The following MAP3K13 variants were observed in gnomAD, a reference collection of about 807,000 sequenced individuals.
The protein encoded by MAP3K13 is leucine zipper-bearing kinase.
In MAP3K13, 52 loss-of-function variants were observed where a neutral mutation model predicts 104.0. The observed-to-expected ratio is 0.50, with a 90% CI of 0.40 to 0.63. The LOEUF (loss-of-function observed/expected upper bound fraction) is 0.63, where lower values mean the gene tolerates loss of function less well. MAP3K13 is among the 20% of genes least tolerant of loss of function. The pLI, the probability that MAP3K13 is intolerant of heterozygous loss-of-function variation, is 0.00. For synonymous variants in MAP3K13, 394 were observed against 442.2 expected, an observed-to-expected ratio of 0.89 and a Z score of 1.37; for missense variants, 914 against 1,218.5, an observed-to-expected ratio of 0.75 and a Z score of 3.72.
chr3:185,456,596 CTTTT>C (rs35547697), intron 7 of MAP3K13, among the ~76,000 whole-genome samples: 13 of 108,002 alleles, frequency 1.2e-4, no homozygotes, highest in African/African-American at 3.9e-4. Flanking sequence ...TTTGCTTCTC[CTTTT>C]TTTTTTTTTT....
chr3:185,476,159 C>A (rs2148926313), intron 11 of MAP3K13, among the ~76,000 whole-genome samples: 1 of 152,098 alleles, frequency 6.6e-6, no homozygotes, highest in Admixed American at 6.5e-5. Context: ...TATCTTTGAA[C>A]CTTTCTCATG....
At position 185,450,588 on chromosome 3, in the gene MAP3K13, G is replaced by C. The variant is rs939842450; in HGVS notation, c.1169+530G>C. Among the ~76,000 whole-genome samples the C allele has an allele frequency of 6.6e-6, 1 of 151,834 alleles. No homozygotes were observed. Among genetic ancestry groups the C allele is most frequent in the African/African-American group, 2.4e-5 (1 of 41,294 alleles). ...TCAAGAGCAGCTTGGGCAACATAGC[G>C]AGACCCCATCTCTGTGTTAAAAACA... is the stretch of plus-strand genomic sequence containing the variant. On this transcript the variant is annotated intron_variant, in intron 6 of 13. Transcript: ENST00000265026. This position sits in a 1 kb window ranked among gnomAD's most constrained non-coding sequence, Gnocchi z 4.2.
At chr3:185,379,058 G>A (rs1013509289) in intron 1 of MAP3K13, among the ~76,000 whole-genome samples, 6 of 152,170 alleles carry the variant, frequency 3.9e-5, no homozygotes, top group Non-Finnish European at 8.8e-5. Context: ...GAGAAGGGTA[G>A]AGACACGGAG....
At chr3:185,336,231 T>C (rs7618856) in intron 2 of MAP3K13, among the ~76,000 whole-genome samples, 116,087 of 152,026 alleles carry the variant, frequency 0.76, 45,057 homozygotes, top group Middle Eastern at 0.84. Flanking sequence ...GAATGTAATG[T>C]CAGAATAAAT....
At chr3:185,291,152 A>G (rs1363690459) in intron 2 of MAP3K13, among the ~76,000 whole-genome samples, 2 of 152,190 alleles carry the variant, frequency 1.3e-5, no homozygotes, top group Non-Finnish European at 2.9e-5. Context: ...TTGAACCATA[A>G]TACTTCCACA....
chr3:185,300,189 C>CTTTTTTTT (rs1273008667), intron 2 of MAP3K13, among the ~76,000 whole-genome samples: 6 of 123,418 alleles, frequency 4.9e-5, no homozygotes, highest in Admixed American at 8.1e-5. Flanking sequence ...TCCTTCTTTT[C>CTTTTTTTT]TTTTTTTTTT....
chr3:185,288,203 A>C (rs1472758797), intron 2 of MAP3K13, among the ~76,000 whole-genome samples: 1 of 152,092 alleles, frequency 6.6e-6, no homozygotes, highest in Non-Finnish European at 1.5e-5. Flanking sequence ...TTCTTTTCCT[A>C]AATCAAGAGG....
At chr3:185,451,232 T>C in intron 6 of MAP3K13, 55 bp from the exon 7 acceptor site, 1 of 1,275,454 alleles carries the variant, frequency 7.8e-7, no homozygotes, top group East Asian at 2.3e-5. Context: ...AAATAAAATC[T>C]TCATTCTCCT....
rs770725438 is a variant in MAP3K13, at chr3:185,484,307, G to A, written c.*1851G>A. On this transcript the variant is annotated 3_prime_UTR_variant, in exon 14 of 14. Transcript: ENST00000265026. Reference sequence around the variant, plus strand: ...AAAGCATTCCAAGGTACTTCATGGTGCCTTGGCCTTAAGGAAAAATTTTTT... The same window carrying A: ...AAAGCATTCCAAGGTACTTCATGGTACCTTGGCCTTAAGGAAAAATTTTTT... 2.0e-5 allele frequency: 3 copies of A among 152,120 alleles called. No homozygotes were observed. Among genetic ancestry groups the A allele is most frequent in the Non-Finnish European group, 4.4e-5 (3 of 68,020 alleles). 9.4% of individuals were successfully genotyped at this position (152,120 alleles called of 1,614,324 possible). A position where few individuals can be genotyped will look rare whatever the true frequency, so the allele number is the denominator to read the frequency against.
chr3:185,327,403 G>A (rs1328339373), intron 2 of MAP3K13, among the ~76,000 whole-genome samples: 1 of 152,152 alleles, frequency 6.6e-6, no homozygotes, highest in African/African-American at 2.4e-5. Context: ...ATTAGGACAT[G>A]GACATCTTTG....
chr3:185,399,182 T>C (rs1712609012), intron 1 of MAP3K13, among the ~76,000 whole-genome samples: 1 of 152,068 alleles, frequency 6.6e-6, no homozygotes, highest in African/African-American at 2.4e-5. Context: ...ATGTGTATAT[T>C]AGTGTTAGTG....
intron 7 of MAP3K13, among the ~76,000 whole-genome samples, chr3:185,463,263 A>T (rs945858304): frequency 3.9e-5 from 6 of 152,192 alleles, no homozygotes; most frequent in African/African-American, 1.4e-4. Context: ...TCCAAAAGTG[A>T]TGGCCAGCAT....
At chr3:185,475,542 A>G (rs1469490212) in intron 11 of MAP3K13, among the ~76,000 whole-genome samples, 1 of 152,156 alleles carries the variant, frequency 6.6e-6, no homozygotes, top group African/African-American at 2.4e-5. Flanking sequence ...CTGACTAAGC[A>G]GTCCCAGAGA....
At chr3:185,414,850 G>T (rs1339022793) in intron 1 of MAP3K13, among the ~76,000 whole-genome samples, 2 of 152,062 alleles carry the variant, frequency 1.3e-5, no homozygotes, top group Non-Finnish European at 2.9e-5. Context: ...AATGAGAAAA[G>T]AAAATTTCCA....
intron 2 of MAP3K13, among the ~76,000 whole-genome samples, chr3:185,323,400 G>A (rs1014725162): frequency 3.4e-5 from 5 of 148,758 alleles, no homozygotes; most frequent in East Asian, 3.9e-4. Flanking sequence ...GCAATGGCGC[G>A]ATCTTGGCTC....
chr3:185,337,878 C>T (rs1228263507), intron 2 of MAP3K13, among the ~76,000 whole-genome samples: 1 of 152,014 alleles, frequency 6.6e-6, no homozygotes. Flanking sequence ...AAATTTTCCT[C>T]ACTAAAACTC....
In MAP3K13 at chr3:185,483,157, GACAAACAA is replaced by G. The variant is rs575867323; in HGVS notation, c.*716_*723del. ...GTGCTTCCTCTAGGAGGGAAAAACA[GACAAACAA>G]ACAAACAAACAAACCTGTGTATGTG... is the stretch of plus-strand genomic sequence containing the variant. On this transcript the variant is annotated 3_prime_UTR_variant, in exon 14 of 14. Coordinates refer to ENST00000265026, the MANE Select transcript of MAP3K13 (RefSeq NM_004721.5). The G allele has an allele frequency of 3.4e-5, 8 of 232,954 alleles. No homozygotes were observed. The highest frequency in any genetic ancestry group is 6.0e-5 in the East Asian group (1 of 16,582). The allele number at this position is 232,954 out of a possible 1,614,324, so 14.4% of individuals were successfully genotyped here.
intron 2 of MAP3K13, among the ~76,000 whole-genome samples, chr3:185,302,736 G>A (rs1249808269): frequency 1.3e-5 from 2 of 152,006 alleles, no homozygotes; most frequent in East Asian, 3.8e-4. Flanking sequence ...AATTTTTTGT[G>A]GAATCTTTTG....
chr3:185,367,597 G>A (rs188606368), intron 1 of MAP3K13, among the ~76,000 whole-genome samples: 6 of 151,954 alleles, frequency 3.9e-5, no homozygotes, highest in African/African-American at 1.4e-4. Context: ...CTACGTGTCT[G>A]TAAATTTTTT....
Sources: allele counts gnomAD v4.1 joint callset (sites outside exome capture counted in the v4.1 genomes callset), GRCh38; gene constraint gnomAD v4.1.1; non-coding constraint Gnocchi (gnomAD v3.1); transcripts MANE v1.5; gene names NCBI Gene and HGNC (gene_info 2026-07-23, HGNC 2026-07-21).